Variants in ATP6V1C2 observed in about 807,000 individuals in gnomAD.
The protein encoded by ATP6V1C2 is V-type proton ATPase subunit C 2.
ATP6V1C2 carries 45 observed loss-of-function variants against 56.8 expected under a neutral mutation model. That is an observed-to-expected ratio of 0.79 (90% confidence interval 0.62 to 1.02). The LOEUF (loss-of-function observed/expected upper bound fraction) is 1.02. ATP6V1C2 is among the 50% of genes least tolerant of loss of function. The pLI is 0.00. For synonymous variants in ATP6V1C2, 220 were observed against 201.3 expected, an observed-to-expected ratio of 1.09 and a Z score of -0.79; for missense variants, 463 against 519.7, an observed-to-expected ratio of 0.89 and a Z score of 1.06.
intron 2 of ATP6V1C2, among the ~76,000 whole-genome samples, chr2:10,726,011 C>T (rs372929981): frequency 3.3e-5 from 5 of 152,026 alleles, no homozygotes; most frequent in Non-Finnish European, 2.9e-5. Flanking sequence ...ATCCAGGAGG[C>T]GGAGGTTGAG....
chr2:10,737,404 G>T, intron 3 of ATP6V1C2, among the ~76,000 whole-genome samples: 1 of 145,740 alleles, frequency 6.9e-6, no homozygotes, highest in Non-Finnish European at 1.5e-5. Flanking sequence ...GCCTGGGCGA[G>T]TGAGACTCTG....
intron 3 of ATP6V1C2, among the ~76,000 whole-genome samples, chr2:10,747,339 CTG>C (rs1662974366): frequency 6.6e-6 from 1 of 152,170 alleles, no homozygotes; most frequent in African/African-American, 2.4e-5. Flanking sequence ...TGCTTTCTCT[CTG>C]TTTTTGTCTC....
chr2:10,777,497 C>G (rs1024152960), intron 10 of ATP6V1C2, 88 bp from the exon 11 acceptor site: 11 of 1,533,828 alleles, frequency 7.2e-6, no homozygotes, highest in Non-Finnish European at 9.7e-6. Context: ...TGAGCTTGCT[C>G]TCGCGTGCCT....
chr2:10,781,928 C>T (rs1665384134), intron 12 of ATP6V1C2, among the ~76,000 whole-genome samples: 1 of 152,220 alleles, frequency 6.6e-6, no homozygotes, highest in Non-Finnish European at 1.5e-5. Flanking sequence ...AGACAAACGC[C>T]TTGGAGTCCG....
intron 3 of ATP6V1C2, among the ~76,000 whole-genome samples, chr2:10,731,302 A>G (rs1661939770): frequency 6.6e-6 from 1 of 152,172 alleles, no homozygotes; most frequent in Admixed American, 6.5e-5. Flanking sequence ...TCATTCATAA[A>G]ATCTGTCTGC....
chr2:10,736,801 C>CT (rs35166388), intron 3 of ATP6V1C2, among the ~76,000 whole-genome samples: 51 of 102,622 alleles, frequency 5.0e-4, no homozygotes, highest in Non-Finnish European at 8.1e-4. Flanking sequence ...AGATATTGTG[C>CT]TTTTTTTTTT....
intron 3 of ATP6V1C2, among the ~76,000 whole-genome samples, chr2:10,744,958 C>T (rs7583958): frequency 0.061 from 9,259 of 151,040 alleles, 954 homozygotes; most frequent in African/African-American, 0.22. Context: ...CATGAGCCAT[C>T]GCACCCGGCC....
chr2:10,769,659 G>A (rs544607866), intron 6 of ATP6V1C2, among the ~76,000 whole-genome samples: 23 of 151,956 alleles, frequency 1.5e-4, no homozygotes, highest in Admixed American at 1.2e-3. Flanking sequence ...AGCTGAGATC[G>A]CCACTGCACT....
chr2:10,754,006 G>T lies in ATP6V1C2; in HGVS notation c.223G>T (p.Val75Leu). 1 of 1,607,890 alleles carries T rather than the reference G, an allele frequency of 6.2e-7. No homozygotes were observed. The highest frequency in any genetic ancestry group is 8.5e-7 in the Non-Finnish European group (1 of 1,176,588). Residue 75 changes from valine to leucine, a missense_variant, in exon 4 of 14, where the codon GTG becomes TTG. Coordinates refer to ENST00000272238, the MANE Select transcript of ATP6V1C2 (RefSeq NM_001039362.2). ...CCTCATAAGGAGAATGGCTCAGAGCGTGGTGGAAGTCATGGAGGACTCAAA... is the reference window on the plus strand; with the variant it reads ...CCTCATAAGGAGAATGGCTCAGAGCTTGGTGGAAGTCATGGAGGACTCAAA... ...ESLIRRMAQS[V>L]VEVMEDSKGK...
chr2:10,740,643 G>C (rs891426196), intron 3 of ATP6V1C2, among the ~76,000 whole-genome samples: 1 of 152,176 alleles, frequency 6.6e-6, no homozygotes, highest in African/African-American at 2.4e-5. Flanking sequence ...TTCTCTGGGA[G>C]CTGAGTTCAG....
At chr2:10,726,888 A>G (rs534988780) in intron 3 of ATP6V1C2, among the ~76,000 whole-genome samples, 12 of 152,256 alleles carry the variant, frequency 7.9e-5, no homozygotes, top group African/African-American at 2.4e-4. Flanking sequence ...TTTATTTTTT[A>G]GTAATAAATG....
chr2:10,749,008 T>C (rs753271002), intron 3 of ATP6V1C2, among the ~76,000 whole-genome samples: 4 of 151,402 alleles, frequency 2.6e-5, no homozygotes, highest in Non-Finnish European at 2.9e-5. Flanking sequence ...CAGACACCTG[T>C]AATCCCAGCT....
rs1460283478 is a variant in ATP6V1C2 at position 10,774,809 on chromosome 2, A to AG, written c.665dup (p.Leu223ProfsTer12). Reference sequence around the variant, plus strand: ...ACAGACTCATTACTGAGGACAAGGAAGGGGGCCTTTTCACTGTGACTCTGT... The same window carrying AG: ...ACAGACTCATTACTGAGGACAAGGAAGGGGGGCCTTTTCACTGTGACTCTGT... On this transcript the variant is annotated frameshift_variant, in exon 9 of 14. Coordinates refer to ENST00000272238, the MANE Select transcript of ATP6V1C2 (RefSeq NM_001039362.2). LOFTEE classifies it high-confidence loss of function. 1.2e-6 allele frequency: 2 copies of AG among 1,614,182 alleles called. No homozygotes were observed. Among genetic ancestry groups the AG allele is most frequent in the South Asian group, 2.2e-5 (2 of 91,086 alleles).
At chr2:10,747,079 A>G (rs1256592786) in intron 3 of ATP6V1C2, among the ~76,000 whole-genome samples, 1 of 152,024 alleles carries the variant, frequency 6.6e-6, no homozygotes. Context: ...GACCAGCCTG[A>G]CCAACATGAA....
At chr2:10,746,204 G>A (rs983621629) in intron 3 of ATP6V1C2, among the ~76,000 whole-genome samples, 1 of 151,778 alleles carries the variant, frequency 6.6e-6, no homozygotes, top group Non-Finnish European at 1.5e-5. Context: ...TTCACCATGT[G>A]GGCCAGGCTG....
intron 6 of ATP6V1C2, 76 bp downstream of exon 6, chr2:10,768,886 G>T: frequency 2.6e-6 from 3 of 1,166,940 alleles, no homozygotes; most frequent in Non-Finnish European, 3.8e-6. Flanking sequence ...TCCTCTCACT[G>T]GGCCACCTGG....
At chr2:10,734,626 CAG>C (rs913451970) in intron 3 of ATP6V1C2, among the ~76,000 whole-genome samples, 3 of 152,144 alleles carry the variant, frequency 2.0e-5, no homozygotes, top group Non-Finnish European at 2.9e-5. Context: ...CAAAGGCAGA[CAG>C]GGGTGGCAGA....
chr2:10,753,312 G>A (rs1444100774), intron 3 of ATP6V1C2, among the ~76,000 whole-genome samples: 4 of 152,086 alleles, frequency 2.6e-5, no homozygotes, highest in African/African-American at 9.7e-5. Context: ...GGAATTCTTT[G>A]AAGCTTTATA....
chr2:10,777,826 T>C (rs1219909149), intron 11 of ATP6V1C2, 104 bp downstream of exon 11: 12 of 1,418,458 alleles, frequency 8.5e-6, no homozygotes, highest in South Asian at 1.4e-5. Flanking sequence ...TTCTCTAATA[T>C]GGCTTTTGAG....
Sources: allele counts gnomAD v4.1 joint callset (sites outside exome capture counted in the v4.1 genomes callset), GRCh38; gene constraint gnomAD v4.1.1; transcripts MANE v1.5; gene names NCBI Gene and HGNC (gene_info 2026-07-23, HGNC 2026-07-21).